SLC13A5: variants seen among roughly 807,000 people sequenced by gnomAD.
SLC13A5 encodes the protein solute carrier family 13 member 5.
A neutral mutation model predicts 56.5 loss-of-function variants in SLC13A5; 25 were observed. The ratio of observed to expected loss-of-function variants is 0.44; its 90% CI spans 0.32 to 0.62. SLC13A5 has a LOEUF of 0.62. Ranked by LOEUF, SLC13A5 falls within the 20% of genes least tolerant of loss-of-function variation. The pLI is 0.04. For missense variants in SLC13A5, 649 were observed against 737.8 expected, an observed-to-expected ratio of 0.88 and a Z score of 1.39; for synonymous variants, 307 against 301.5, an observed-to-expected ratio of 1.02 and a Z score of -0.19.
Position 6,685,906 on chromosome 17 carries a change from T to C in SLC13A5, c.*301A>G, listed in dbSNP as rs1056386519. The C allele has an allele frequency of 2.6e-6, 1 of 387,686 alleles. No individual in the cohort carries two copies. The highest frequency in any genetic ancestry group is 2.9e-5 in the South Asian group (1 of 34,612). 24.0% of individuals were successfully genotyped at this position (387,686 alleles called of 1,614,324 possible). On this transcript the variant is annotated 3_prime_UTR_variant, in exon 12 of 12. Coordinates refer to ENST00000433363, the MANE Select transcript of SLC13A5 (RefSeq NM_177550.5). This position sits in a 1 kb window ranked among gnomAD's most constrained non-coding sequence, Gnocchi z 4.2. ...TTGAGGCAGAGCGGGTACAGCAGCC[T>C]GCATCCTGATCCCTCGGCTACCTGG...
Position 6,703,144 on chromosome 17 carries a change from G to GT in SLC13A5, c.548-7dup, listed in dbSNP as rs755396221. ...TTCAAAAATCACTTGACTCCCTGTG[G>GT]TGGGCACAGCGCTGTTAGCTGAGCC... On this transcript the variant is annotated splice_region_variant and splice_polypyrimidine_tract_variant and intron_variant, in intron 4 of 11. Transcript: ENST00000433363. The GT allele has an allele frequency of 1.2e-6, 2 of 1,613,842 alleles. No individual in the cohort carries two copies. The highest frequency in any genetic ancestry group is 2.7e-5 in the African/African-American group (2 of 74,932).
In SLC13A5 at chr17:6,686,354, A is replaced by T; in HGVS notation, c.1576-16T>A. On this transcript the variant is annotated splice_polypyrimidine_tract_variant and intron_variant, in intron 11 of 11. Transcript: ENST00000433363. ...CTGTTTTCACCTGGAAAAGAGACAG[A>T]GTCAGCACCCTGAGGCCTGCTGGGG... is the stretch of plus-strand genomic sequence containing the variant. 6.2e-7 allele frequency: 1 copy of T among 1,613,956 alleles called. No individual in the cohort carries two copies. The highest frequency in any genetic ancestry group is 1.7e-4 in the Middle Eastern group (1 of 6,060).
At chr17:6,712,765 G>C (rs1345296133) in intron 1 of SLC13A5, among the ~76,000 whole-genome samples, 1 of 152,216 alleles carries the variant, frequency 6.6e-6, no homozygotes, top group Non-Finnish European at 1.5e-5. Context: ...CCCTCCTGAC[G>C]GCAGAAGCCA....
At chr17:6,707,513 AAGG>A (rs1973903234) in intron 1 of SLC13A5, among the ~76,000 whole-genome samples, 1 of 152,098 alleles carries the variant, frequency 6.6e-6, no homozygotes, top group Admixed American at 6.6e-5. Flanking sequence ...GAAGGAGGAG[AAGG>A]AGGAGGAGGG....
At chr17:6,697,547 G>A (rs549331620) in intron 6 of SLC13A5, among the ~76,000 whole-genome samples, 11 of 152,226 alleles carry the variant, frequency 7.2e-5, no homozygotes, top group Non-Finnish European at 7.3e-5. Context: ...AGGGGCCTAG[G>A]TCAGGGTCAG....
At chr17:6,696,829 A>G (rs1973574877) in intron 6 of SLC13A5, among the ~76,000 whole-genome samples, 2 of 152,164 alleles carry the variant, frequency 1.3e-5, no homozygotes, top group South Asian at 4.1e-4. Context: ...TCCGGGGGCC[A>G]TGAGACATAA....
chr17:6,703,034 T>A lies in SLC13A5; in HGVS notation c.652A>T (p.Ile218Phe). ...MTLCICYAASIGGTATLTGTG... is the reference protein window; with the variant it reads ...MTLCICYAASFGGTATLTGTG... ...CCGGTCAGGGTGGCGGTGCCCCCGA[T>A]GCTGGCCGCGTAGCAGATGCACAGG... The change falls in exon 5 of 12, where the codon ATC (isoleucine) becomes TTC (phenylalanine). Residue 218 changes from isoleucine to phenylalanine, a missense_variant. Transcript: ENST00000433363. The A allele has an allele frequency of 6.2e-7, 1 of 1,614,244 alleles. No homozygotes were observed. Among genetic ancestry groups the A allele is most frequent in the South Asian group, 1.1e-5 (1 of 91,086 alleles).
At chr17:6,698,284 C>T (rs2151489543) in intron 6 of SLC13A5, among the ~76,000 whole-genome samples, 1 of 152,352 alleles carries the variant, frequency 6.6e-6, no homozygotes, top group Non-Finnish European at 1.5e-5. Context: ...CAGACACTCT[C>T]AGGCTCCCCC....
chr17:6,693,231 C>G (rs1280169991), intron 8 of SLC13A5, 69 bp from the exon 9 acceptor site: 2 of 685,142 alleles, frequency 2.9e-6, no homozygotes, highest in Non-Finnish European at 4.2e-6. Context: ...ACACACACAC[C>G]AGAGCAGCAT....
intron 9 of SLC13A5, 111 bp from the exon 10 acceptor site, chr17:6,691,051 A>C: frequency 3.4e-5 from 40 of 1,160,902 alleles, no homozygotes; most frequent in Non-Finnish European, 4.3e-5. Flanking sequence ...TCTACACCTC[A>C]TAGGTGACCT....
intron 6 of SLC13A5, among the ~76,000 whole-genome samples, chr17:6,696,995 G>A (rs547208941): frequency 6.6e-6 from 1 of 152,214 alleles, no homozygotes; most frequent in East Asian, 1.9e-4. Flanking sequence ...GCTTTCTGGG[G>A]TGCTCAGGGG....
At chr17:6,697,476 T>C (rs1973592710) in intron 6 of SLC13A5, among the ~76,000 whole-genome samples, 1 of 152,240 alleles carries the variant, frequency 6.6e-6, no homozygotes, top group African/African-American at 2.4e-5. Context: ...TCTGGGTTAA[T>C]TTCATCTGGT....
At chr17:6,707,226 G>A (rs964874713) in intron 1 of SLC13A5, 70 bp from the exon 2 acceptor site, 91 of 1,580,346 alleles carry the variant, frequency 5.8e-5, no homozygotes, top group Middle Eastern at 3.6e-4. Context: ...CACTCCGGAC[G>A]GCGGCTGGCA....
In SLC13A5 at chr17:6,701,063, G is replaced by C. The variant is rs1412336807; in HGVS notation, c.780C>G (p.Asn260Lys). 6.2e-7 allele frequency: 1 copy of C among 1,614,116 alleles called. No individual in the cohort carries two copies. Among genetic ancestry groups the C allele is most frequent in the Non-Finnish European group, 8.5e-7 (1 of 1,180,048 alleles). ...AGGCGAACAGCAGCATCACCAGCAT[G>C]TTGGGAAAGGCAAATGCAAACCAGG... ...FASWFAFAFP[N>K]MLVMLLFAWL... The change falls in exon 6 of 12, where the codon AAC becomes AAG. Residue 260 changes from asparagine to lysine, a missense_variant. Transcript: ENST00000433363. This position sits in a 1 kb window ranked among gnomAD's most constrained non-coding sequence, Gnocchi z 4.1.
rs1974015935 is a variant in SLC13A5 at position 6,711,347 on chromosome 17, G to A, written c.102+1885C>T. Among the ~76,000 whole-genome samples the A allele has an allele frequency of 6.6e-6, 1 of 152,062 alleles. No homozygotes were observed. The highest frequency in any genetic ancestry group is 1.5e-5 in the Non-Finnish European group (1 of 67,998). ...AGGAAAGCTCGTGAAGGCAGCCTTTGGAAGGACTCTCCCTGGGTTCTCTTC... is the reference window on the plus strand; with the variant it reads ...AGGAAAGCTCGTGAAGGCAGCCTTTAGAAGGACTCTCCCTGGGTTCTCTTC... On this transcript the variant is annotated intron_variant, in intron 1 of 11. Transcript: ENST00000433363. The surrounding 1 kb of genome is among the most constrained non-coding windows in gnomAD (Gnocchi z 4.0).
At position 6,687,636 on chromosome 17, in the gene SLC13A5, T is replaced by G; in HGVS notation, c.1468A>C (p.Ile490Leu). Residue 490 changes from isoleucine (I) to leucine (L), a missense_variant, in exon 11 of 12, where the codon ATC (isoleucine) becomes CTC (leucine). By Grantham distance (5) the Ile-to-Leu change is conservative. Coordinates refer to ENST00000433363, the MANE Select transcript of SLC13A5 (RefSeq NM_177550.5). The surrounding 1 kb of genome is among the most constrained non-coding windows in gnomAD (Gnocchi z 5.0). The part of the protein sequence containing the change: ...SRSIGLNPLY[I>L]MLPCTLSASF... ...GCACTCAGGGTACAGGGCAGCATGATGTACAGCGGATTGAGGCCGATGGAG... is the reference window on the plus strand; with the variant it reads ...GCACTCAGGGTACAGGGCAGCATGAGGTACAGCGGATTGAGGCCGATGGAG... 6.2e-7 allele frequency: 1 copy of G among 1,609,588 alleles called. No homozygotes were observed. Among genetic ancestry groups the G allele is most frequent in the East Asian group, 2.2e-5 (1 of 44,716 alleles).
At chr17:6,704,257 C>G (rs1269057192) in intron 3 of SLC13A5, 2 of 698,538 alleles carry the variant, frequency 2.9e-6, no homozygotes, top group African/African-American at 1.7e-5. Context: ...CTCCATTCCT[C>G]TCTCCCTCCT....
At chr17:6,698,508 C>T (rs2151489764) in intron 6 of SLC13A5, among the ~76,000 whole-genome samples, 1 of 152,312 alleles carries the variant, frequency 6.6e-6, no homozygotes, top group Admixed American at 6.5e-5. Context: ...TTTCTGACAC[C>T]TGGTCATGCT....
chr17:6,711,323 G>A lies in SLC13A5; in HGVS notation c.102+1909C>T, dbSNP rs150417551. 9.2e-5 allele frequency among the ~76,000 whole-genome samples: 14 copies of A among 152,232 alleles called. No homozygotes were observed. The highest frequency in any genetic ancestry group is 1.8e-4 in the Non-Finnish European group (12 of 68,006). ...GGGTCCTCACCCAACCCCGCCAGAA[G>A]GAAAGCTCGTGAAGGCAGCCTTTGG... is the stretch of plus-strand genomic sequence containing the variant. On this transcript the variant is annotated intron_variant, in intron 1 of 11. Coordinates refer to ENST00000433363, the MANE Select transcript of SLC13A5 (RefSeq NM_177550.5). This position sits in a 1 kb window ranked among gnomAD's most constrained non-coding sequence, Gnocchi z 4.0.
Sources: gnomAD v4.1 joint callset for allele counts (sites outside exome capture counted in the v4.1 genomes callset) on GRCh38, gnomAD v4.1.1 for gene constraint, Gnocchi (gnomAD v3.1) non-coding constraint, MANE v1.5 for transcripts, NCBI Gene and HGNC (gene_info 2026-07-23, HGNC 2026-07-21) for gene names.